Variants in ADGRA2 observed in about 807,000 individuals in gnomAD.
ADGRA2 encodes the protein G-protein coupled receptor 124.
ADGRA2 carries 61 observed loss-of-function variants against 98.7 expected under a neutral mutation model. The observed-to-expected ratio is 0.62, with a 90% CI of 0.50 to 0.76. ADGRA2 has a LOEUF of 0.76. Ranked by LOEUF, ADGRA2 falls within the 30% of genes least tolerant of loss-of-function variation. The probability of loss-of-function intolerance (pLI) is 0.00; values close to 1 mark genes in which losing one functional copy is unlikely to be tolerated. For synonymous variants in ADGRA2, 858 were observed against 831.5 expected (o/e 1.03, Z -0.55); for missense variants, 1,712 against 1,860.0 (o/e 0.92, Z 1.46).
chr8:37,834,274 G>A lies in ADGRA2; in HGVS notation c.1608+146G>A. The A allele has an allele frequency of 1.2e-6, 1 of 806,328 alleles. No homozygotes were observed. The allele number at this position is 806,328 out of a possible 1,614,324, so 49.9% of individuals were successfully genotyped here. On this transcript the variant is annotated intron_variant, in intron 11 of 18. Transcript: ENST00000412232. The surrounding 1 kb of genome is among the most constrained non-coding windows in gnomAD (Gnocchi z 4.2). ...ATGGGGTTCACTTCCAAGTTGTCAG[G>A]GGCAGTGCTAAGGAGAGGTGGCCGG...
In ADGRA2 at chr8:37,844,511, C is replaced by T. The variant is rs180675046; in HGVS notation, c.*2156C>T. ...TCCATCAGGGAGGGTTAGGGACACTCGTGGCAGCCTGTCTAGCAGCCTGGG... is the reference window on the plus strand; with the variant it reads ...TCCATCAGGGAGGGTTAGGGACACTTGTGGCAGCCTGTCTAGCAGCCTGGG... On this transcript the variant is annotated 3_prime_UTR_variant, in exon 19 of 19. Coordinates refer to ENST00000412232, the MANE Select transcript of ADGRA2 (RefSeq NM_032777.10). 35 of 1,613,232 alleles carry T rather than the reference C, an allele frequency of 2.2e-5. No homozygotes were observed. The highest frequency in any genetic ancestry group is 2.8e-5 in the Non-Finnish European group (33 of 1,179,964).
rs753371201 is a variant in ADGRA2, at chr8:37,841,325, G to T, written c.2987G>T (p.Gly996Val). ...GACTCAGGTTCCCTTCTTGCTACTG[G>T]GAGCGCGCGAGTGGGGACGCCCGGG... ...LSDSGSLLAT[G>V]SARVGTPGPP... Residue 996 changes from glycine (G) to valine (V), a missense_variant, in exon 19 of 19, where the codon GGG becomes GTG. Coordinates refer to ENST00000412232, the MANE Select transcript of ADGRA2 (RefSeq NM_032777.10). The surrounding 1 kb of genome is among the most constrained non-coding windows in gnomAD (Gnocchi z 5.0). 62 of 1,606,620 alleles carry T rather than the reference G, an allele frequency of 3.9e-5. No homozygotes were observed. The highest frequency in any genetic ancestry group is 3.3e-4 in the Middle Eastern group (2 of 6,058).
intron 1 of ADGRA2, among the ~76,000 whole-genome samples, chr8:37,800,396 G>C (rs1029181863): frequency 6.6e-6 from 1 of 152,208 alleles, no homozygotes; most frequent in Non-Finnish European, 1.5e-5. Context: ...AGAGCTCTCC[G>C]AGTAGATGAG....
Position 37,840,868 on chromosome 8 carries a change from C to A in ADGRA2, c.2747+19C>A, listed in dbSNP as rs373709320. ...GCCCCTAGTGAGCACCCCTCCCTCC[C>A]GCCCCAAGCCTACCTACCTAACACC... On this transcript the variant is annotated intron_variant, in intron 18 of 18. Coordinates refer to ENST00000412232, the MANE Select transcript of ADGRA2 (RefSeq NM_032777.10). The A allele has an allele frequency of 2.2e-6, 3 of 1,369,710 alleles. No homozygotes were observed. Among genetic ancestry groups the A allele is most frequent in the South Asian group, 1.2e-5 (1 of 84,440 alleles). The allele number at this position is 1,369,710 out of a possible 1,614,324, so 84.8% of individuals were successfully genotyped here.
rs540455046 is a variant in ADGRA2 at position 37,837,859 on chromosome 8, G to A, written c.2179G>A (p.Glu727Lys). ...CGGGGAGGCTGGGGGCTGGACCTCG[G>A]AGGGCTGCCAGCTCCGCTCCAGCCA... ...GPGEAGGWTSEGCQLRSSQPN... is the reference protein window; with the variant it reads ...GPGEAGGWTSKGCQLRSSQPN... Residue 727 changes from glutamate to lysine, a missense_variant, in exon 14 of 19, where the codon GAG becomes AAG. By Grantham distance (56) the Glu-to-Lys change is moderately conservative. Coordinates refer to ENST00000412232, the MANE Select transcript of ADGRA2 (RefSeq NM_032777.10). 8 of 1,507,580 alleles carry A rather than the reference G, an allele frequency of 5.3e-6. 1 individual carries two copies. In the South Asian group the frequency reaches 7.9e-5, roughly 15 times the overall value. The allele number at this position is 1,507,580 out of a possible 1,614,324, so 93.4% of individuals were successfully genotyped here. A position where few individuals can be genotyped will look rare whatever the true frequency, so the allele number is the denominator to read the frequency against.
At chr8:37,821,643 G>C (rs1805128753) in intron 2 of ADGRA2, among the ~76,000 whole-genome samples, 1 of 152,214 alleles carries the variant, frequency 6.6e-6, no homozygotes, top group Non-Finnish European at 1.5e-5. Context: ...AAGGGAGCGA[G>C]ACTGCGTGCC....
chr8:37,844,599 A>C lies in ADGRA2; in HGVS notation c.*2244A>C, dbSNP rs1805914751. Reference sequence around the variant, plus strand: ...ATACTGTTCTATTTCACTATCAGAAATGTTCTCATCTCCAGTGACAGTGGA... The same window carrying C: ...ATACTGTTCTATTTCACTATCAGAACTGTTCTCATCTCCAGTGACAGTGGA... On this transcript the variant is annotated 3_prime_UTR_variant, in exon 19 of 19. Transcript: ENST00000412232. The C allele has an allele frequency of 6.2e-7, 1 of 1,614,108 alleles. No individual in the cohort carries two copies. Among genetic ancestry groups the C allele is most frequent in the East Asian group, 2.2e-5 (1 of 44,888 alleles).
rs537679680 is a variant in ADGRA2 at position 37,842,888 on chromosome 8, C to T, written c.*533C>T. On this transcript the variant is annotated 3_prime_UTR_variant, in exon 19 of 19. Coordinates refer to ENST00000412232, the MANE Select transcript of ADGRA2 (RefSeq NM_032777.10). The stretch of plus-strand genomic sequence containing the variant: ...GGTGATGTTAAGTCACAAGGTGCTG[C>T]TTTTCAGATCCACTATGCAAGAGGG... The T allele has an allele frequency of 2.0e-5, 3 of 153,202 alleles. No individual in the cohort carries two copies. The East Asian group carries it at 5.8e-4, about 29-fold the overall frequency. The allele number at this position is 153,202 out of a possible 1,614,324, so 9.5% of individuals were successfully genotyped here.
intron 1 of ADGRA2, among the ~76,000 whole-genome samples, chr8:37,800,268 A>T (rs1804462272): frequency 6.6e-6 from 1 of 152,182 alleles, no homozygotes; most frequent in African/African-American, 2.4e-5. Context: ...AGATGTATGG[A>T]CCGGGAGGTG....
rs939245220 is a variant in ADGRA2, at chr8:37,802,858, T to C, written c.266+5324T>C. 1.1e-4 allele frequency among the ~76,000 whole-genome samples: 16 copies of C among 152,268 alleles called. No homozygotes were observed. The highest frequency in any genetic ancestry group is 1.0e-3 in the South Asian group (5 of 4,828). On this transcript the variant is annotated intron_variant, in intron 1 of 18. Transcript: ENST00000412232. The surrounding 1 kb of genome is among the most constrained non-coding windows in gnomAD (Gnocchi z 4.7). ...TGAATGAAGAAAACTGCAGAGGCCATCGTGCTGGCTCCTAAGGGGGCACTT... is the reference window on the plus strand; with the variant it reads ...TGAATGAAGAAAACTGCAGAGGCCACCGTGCTGGCTCCTAAGGGGGCACTT...
Position 37,802,837 on chromosome 8 carries a change from T to C in ADGRA2, c.266+5303T>C, listed in dbSNP as rs976863228. On this transcript the variant is annotated intron_variant, in intron 1 of 18. Transcript: ENST00000412232. The surrounding 1 kb of genome is among the most constrained non-coding windows in gnomAD (Gnocchi z 4.7). Reference sequence around the variant, plus strand: ...AGCTCTCTGGGGCTCACTGGTTGAATGAAGAAAACTGCAGAGGCCATCGTG... The same window carrying C: ...AGCTCTCTGGGGCTCACTGGTTGAACGAAGAAAACTGCAGAGGCCATCGTG... Among the ~76,000 whole-genome samples the C allele has an allele frequency of 6.6e-6, 1 of 152,178 alleles. No individual in the cohort carries two copies. The highest frequency in any genetic ancestry group is 2.4e-5 in the African/African-American group (1 of 41,434).
intron 1 of ADGRA2, among the ~76,000 whole-genome samples, chr8:37,810,628 G>A (rs540775685): frequency 6.6e-5 from 10 of 152,228 alleles, no homozygotes; most frequent in African/African-American, 1.9e-4. Flanking sequence ...CTCCCAAGTA[G>A]CTAGGACTAC....
At position 37,844,223 on chromosome 8, in the gene ADGRA2, CATCT is replaced by C. The variant is rs1241104155; in HGVS notation, c.*1871_*1874del. On this transcript the variant is annotated 3_prime_UTR_variant, in exon 19 of 19. Transcript: ENST00000412232. ...GCAAAGAGCCTGACATTTTCCCATC[CATCT>C]ATGAGGAAAGCCATCTCACAGAACA... 13 of 460,100 alleles carry C rather than the reference CATCT, an allele frequency of 2.8e-5. No homozygotes were observed. The highest frequency in any genetic ancestry group is 4.3e-5 in the Non-Finnish European group (11 of 255,320). 28.5% of individuals were successfully genotyped at this position (460,100 alleles called of 1,614,324 possible).
At position 37,830,774 on chromosome 8, in the gene ADGRA2, G is replaced by A. The variant is rs2130012596; in HGVS notation, c.783G>A (p.Gly261=). Residue 261 remains glycine (G), a synonymous_variant, in exon 7 of 19, where the codon GGG becomes GGA. Transcript: ENST00000412232. This position sits in a 1 kb window ranked among gnomAD's most constrained non-coding sequence, Gnocchi z 4.8. ...IPSLRQVVFQ[G]DRLPFQCSAS... ...CCCTACGCCAAGTGGTGTTCCAGGGGGATCGGCTGCCCTTCCAGTGCTCTG... is the reference window on the plus strand; with the variant it reads ...CCCTACGCCAAGTGGTGTTCCAGGGAGATCGGCTGCCCTTCCAGTGCTCTG... The A allele has an allele frequency of 1.2e-6, 2 of 1,600,410 alleles. No homozygotes were observed. The highest frequency in any genetic ancestry group is 1.3e-5 in the African/African-American group (1 of 74,744).
intron 2 of ADGRA2, among the ~76,000 whole-genome samples, chr8:37,816,350 TG>T (rs1804981003): frequency 6.6e-6 from 1 of 151,984 alleles, no homozygotes; most frequent in African/African-American, 2.4e-5. Context: ...CCCAGCACTT[TG>T]GGAGGCCGAG....
At position 37,844,329 on chromosome 8, in the gene ADGRA2, T is replaced by G; in HGVS notation, c.*1974T>G. ...CTATAGTCATCCCTGCACTCCTGAC[T>G]TTACTCCAGGACCCAGGGTCCAACT... is the stretch of plus-strand genomic sequence containing the variant. On this transcript the variant is annotated 3_prime_UTR_variant, in exon 19 of 19. Transcript: ENST00000412232. 1.1e-6 allele frequency: 1 copy of G among 871,588 alleles called. No individual in the cohort carries two copies. The highest frequency in any genetic ancestry group is 2.6e-5 in the East Asian group (1 of 38,580). The allele number at this position is 871,588 out of a possible 1,614,324, so 54.0% of individuals were successfully genotyped here. A position where few individuals can be genotyped will look rare whatever the true frequency, so the allele number is the denominator to read the frequency against.
chr8:37,816,120 A>G (rs916129264), intron 2 of ADGRA2, among the ~76,000 whole-genome samples: 1 of 152,188 alleles, frequency 6.6e-6, no homozygotes, highest in Admixed American at 6.5e-5. Context: ...AAACAATGCC[A>G]TGTATACTAG....
chr8:37,837,629 C>A, intron 13 of ADGRA2, 102 bp from the exon 14 acceptor site: 1 of 961,304 alleles, frequency 1.0e-6, no homozygotes, highest in Non-Finnish European at 1.6e-6. Flanking sequence ...CTGGCAGGTG[C>A]CTAGTACACA....
intron 1 of ADGRA2, among the ~76,000 whole-genome samples, chr8:37,809,089 C>G (rs1036475870): frequency 2.0e-5 from 3 of 152,144 alleles, no homozygotes; most frequent in African/African-American, 7.2e-5. Context: ...TCCCAAAAAG[C>G]TGGGATTATA....
Sources: gnomAD v4.1 joint callset for allele counts (sites outside exome capture counted in the v4.1 genomes callset) on GRCh38, gnomAD v4.1.1 for gene constraint, Gnocchi (gnomAD v3.1) non-coding constraint, MANE v1.5 for transcripts, NCBI Gene and HGNC (gene_info 2026-07-23, HGNC 2026-07-21) for gene names.